The following TNIK variants were observed in gnomAD, a reference collection of about 807,000 sequenced individuals.
TNIK encodes TRAF2 and NCK-interacting protein kinase.
In TNIK, 49 loss-of-function variants were observed where a neutral mutation model predicts 191.3. That is an observed-to-expected ratio of 0.26 (90% confidence interval 0.20 to 0.32). The LOEUF (loss-of-function observed/expected upper bound fraction) is 0.32, where lower values mean the gene tolerates loss of function less well. TNIK is among the 10% of genes least tolerant of loss of function. The pLI, the probability that TNIK is intolerant of heterozygous loss-of-function variation, is 1.00. For missense variants in TNIK, 1,155 were observed against 1,702.3 expected (o/e 0.68, Z 5.66); for synonymous variants, 594 against 600.9 (o/e 0.99, Z 0.17).
At chr3:171,185,178 C>CGTGTGTGTGT (rs148499254) in intron 7 of TNIK, among the ~76,000 whole-genome samples, 109 of 145,974 alleles carry the variant, frequency 7.5e-4, no homozygotes, top group African/African-American at 2.4e-3. Context: ...ATAGATTTCC[C>CGTGTGTGTGT]GTGTGTGTGT....
At chr3:171,210,813 C>T (rs1338208048) in intron 4 of TNIK, among the ~76,000 whole-genome samples, 3 of 143,724 alleles carry the variant, frequency 2.1e-5, no homozygotes, top group Non-Finnish European at 4.5e-5. Flanking sequence ...AATACCAAGG[C>T]ACCTAAAATA....
chr3:171,165,938 C>T (rs1407075782), intron 10 of TNIK, among the ~76,000 whole-genome samples: 2 of 152,200 alleles, frequency 1.3e-5, no homozygotes, highest in Non-Finnish European at 2.9e-5. Flanking sequence ...TAAACCTGCT[C>T]CAGACCATGC....
At chr3:171,348,686 C>T (rs913174390) in intron 2 of TNIK, among the ~76,000 whole-genome samples, 7 of 151,912 alleles carry the variant, frequency 4.6e-5, no homozygotes, top group Non-Finnish European at 8.8e-5. Context: ...AAGGGGCCCA[C>T]GGAGGCAAAA....
rs113896976 is a variant in TNIK, at chr3:171,207,072, C to T, written c.306+4044G>A. Among the ~76,000 whole-genome samples, 794 of 151,978 alleles carry T rather than the reference C, an allele frequency of 5.2e-3. 6 individuals carry two copies. Among genetic ancestry groups the T allele is most frequent in the Admixed American group, 0.013 (191 of 15,262 alleles). Reference sequence around the variant, plus strand: ...CCATAGCCCTGACCAAAGAAAACACCTTTCTACAGACAACTATAAAATAGC... The same window carrying T: ...CCATAGCCCTGACCAAAGAAAACACTTTTCTACAGACAACTATAAAATAGC... On this transcript the variant is annotated intron_variant, in intron 4 of 32. Transcript: ENST00000436636.
At chr3:171,268,557 T>C (rs1404091477) in intron 2 of TNIK, among the ~76,000 whole-genome samples, 1 of 152,042 alleles carries the variant, frequency 6.6e-6, no homozygotes, top group Non-Finnish European at 1.5e-5. Flanking sequence ...TAAAATCTCT[T>C]TGTACTGCTT....
intron 9 of TNIK, among the ~76,000 whole-genome samples, chr3:171,174,757 A>G (rs1164881267): frequency 1.3e-5 from 2 of 152,240 alleles, no homozygotes; most frequent in Non-Finnish European, 2.9e-5. Flanking sequence ...ATCACCTGCC[A>G]TATGTGAAAA....
intron 19 of TNIK, among the ~76,000 whole-genome samples, chr3:171,110,346 A>G (rs1017788465): frequency 6.6e-6 from 1 of 152,230 alleles, no homozygotes; most frequent in Non-Finnish European, 1.5e-5. Context: ...AAACAGGACA[A>G]TTGGTGCAAT....
At chr3:171,395,478 C>T (rs923890252) in intron 1 of TNIK, among the ~76,000 whole-genome samples, 5 of 152,140 alleles carry the variant, frequency 3.3e-5, no homozygotes, top group African/African-American at 1.2e-4. Flanking sequence ...CAGTTAAATA[C>T]AGAGCCTACA....
chr3:171,351,071 A>C (rs1342471185), intron 2 of TNIK, among the ~76,000 whole-genome samples: 1 of 151,994 alleles, frequency 6.6e-6, no homozygotes, highest in East Asian at 1.9e-4. Flanking sequence ...TTGTATTTTT[A>C]GTAGAGATGA....
At chr3:171,265,394 C>A (rs1180145689) in intron 2 of TNIK, among the ~76,000 whole-genome samples, 1 of 152,224 alleles carries the variant, frequency 6.6e-6, no homozygotes, top group Non-Finnish European at 1.5e-5. Context: ...CCTACACTGA[C>A]TTCTTTTTAG....
At chr3:171,114,733 G>A (rs1726410246) in intron 18 of TNIK, among the ~76,000 whole-genome samples, 2 of 152,162 alleles carry the variant, frequency 1.3e-5, no homozygotes, top group East Asian at 3.8e-4. Flanking sequence ...GTTGCAGAGT[G>A]ATCATTGGTA....
intron 22 of TNIK, among the ~76,000 whole-genome samples, chr3:171,100,363 C>G (rs1307571784): frequency 6.6e-6 from 1 of 152,068 alleles, no homozygotes; most frequent in African/African-American, 2.4e-5. Flanking sequence ...TTTTCAGCTA[C>G]GTTAATTAGA....
At chr3:171,308,450 TA>T (rs1474940334) in intron 2 of TNIK, among the ~76,000 whole-genome samples, 1 of 152,102 alleles carries the variant, frequency 6.6e-6, no homozygotes, top group East Asian at 1.9e-4. Flanking sequence ...CTTAAAACTA[TA>T]AAAATCCTTG....
At chr3:171,080,098 G>A (rs543860681) in intron 27 of TNIK, among the ~76,000 whole-genome samples, 31 of 152,234 alleles carry the variant, frequency 2.0e-4, no homozygotes, top group African/African-American at 7.5e-4. Flanking sequence ...AGGATAATAT[G>A]GGTTCAGAAA....
rs1405571356 is a variant in TNIK at position 171,152,017 on chromosome 3, A to G, written c.1221+5443T>C. Reference sequence around the variant, plus strand: ...GAATGGTGACCGGGCATGGTGGTTCACACCTGTAATCCCAGCACTCTGGGA... The same window carrying G: ...GAATGGTGACCGGGCATGGTGGTTCGCACCTGTAATCCCAGCACTCTGGGA... On this transcript the variant is annotated intron_variant, in intron 12 of 32. Coordinates refer to ENST00000436636, the MANE Select transcript of TNIK (RefSeq NM_015028.4). Among the ~76,000 whole-genome samples, 3 of 152,242 alleles carry G rather than the reference A, an allele frequency of 2.0e-5. No individual in the cohort carries two copies. The East Asian group carries it at 5.8e-4, about 29-fold the overall frequency.
At chr3:171,209,115 A>G (rs1304717205) in intron 4 of TNIK, among the ~76,000 whole-genome samples, 3 of 141,004 alleles carry the variant, frequency 2.1e-5, no homozygotes, top group African/African-American at 8.2e-5. Flanking sequence ...ACTGCCCTTA[A>G]GTTGGACCAG....
intron 1 of TNIK, among the ~76,000 whole-genome samples, chr3:171,417,508 T>C (rs539759944): frequency 6.6e-6 from 1 of 152,302 alleles, no homozygotes; most frequent in African/African-American, 2.4e-5. Context: ...TTGATTCTCG[T>C]ATTGTGAAAG....
At chr3:171,418,999 C>A (rs886139790) in intron 1 of TNIK, among the ~76,000 whole-genome samples, 33 of 152,220 alleles carry the variant, frequency 2.2e-4, no homozygotes, top group African/African-American at 7.9e-4. Flanking sequence ...ACTGTGTCCC[C>A]ATATGGCAGA....
At chr3:171,369,560 C>T in intron 2 of TNIK, 60 bp downstream of exon 2, 1 of 1,417,360 alleles carries the variant, frequency 7.1e-7, no homozygotes, top group Non-Finnish European at 9.7e-7. Flanking sequence ...GACAGCACTG[C>T]AATTTGTCAT....
Sources: gnomAD v4.1 joint callset for allele counts (sites outside exome capture counted in the v4.1 genomes callset) on GRCh38, gnomAD v4.1.1 for gene constraint, MANE v1.5 for transcripts, NCBI Gene and HGNC (gene_info 2026-07-23, HGNC 2026-07-21) for gene names.